NTM: variants seen among roughly 807,000 people sequenced by gnomAD.
NTM encodes the protein neurotrimin, also known as IgLON family member 2.
In NTM, 13 loss-of-function variants were observed where a neutral mutation model predicts 42.1. That is an observed-to-expected ratio of 0.31 (90% CI 0.20 to 0.49). NTM has a LOEUF of 0.49. Among genes scored for constraint, NTM ranks in the 20% least tolerant of loss-of-function variants. NTM has a pLI of 0.99. For synonymous variants in NTM, 187 were observed against 179.2 expected (o/e 1.04, Z -0.35); for missense variants, 373 against 452.8 (o/e 0.82, Z 1.60).
chr11:132,259,496 A>G (rs1369368664), intron 4 of NTM, among the ~76,000 whole-genome samples: 1 of 151,912 alleles, frequency 6.6e-6, no homozygotes, highest in Non-Finnish European at 1.5e-5. Flanking sequence ...CCCGACCAAC[A>G]TGGTGAAACA....
chr11:131,456,994 G>A (rs1416087777), intron 1 of NTM, among the ~76,000 whole-genome samples: 1 of 152,142 alleles, frequency 6.6e-6, no homozygotes. Context: ...ATGCTTCAGT[G>A]TGCTCAAGGG....
intron 4 of NTM, among the ~76,000 whole-genome samples, chr11:132,299,763 GT>G (rs1250918488): frequency 3.9e-5 from 6 of 152,148 alleles, no homozygotes; most frequent in African/African-American, 1.4e-4. Context: ...GCAAACGTAG[GT>G]TTGAGCCCTT....
At chr11:131,526,010 T>C (rs2050427427) in intron 1 of NTM, among the ~76,000 whole-genome samples, 1 of 152,194 alleles carries the variant, frequency 6.6e-6, no homozygotes, top group South Asian at 2.1e-4. Flanking sequence ...AGATTCAACG[T>C]AAACATTTAT....
intron 4 of NTM, among the ~76,000 whole-genome samples, chr11:132,215,173 G>T (rs770866674): frequency 6.6e-6 from 1 of 152,202 alleles, no homozygotes; most frequent in Non-Finnish European, 1.5e-5. Flanking sequence ...AAGAAAGAGC[G>T]CTGTTGTCAT....
chr11:131,510,727 G>T (rs547582016), intron 1 of NTM, among the ~76,000 whole-genome samples: 2 of 152,182 alleles, frequency 1.3e-5, no homozygotes, highest in Non-Finnish European at 2.9e-5. Flanking sequence ...AGCTCATCCT[G>T]TGCCCATCTC....
chr11:131,842,579 G>A (rs1223271963), intron 1 of NTM, among the ~76,000 whole-genome samples: 1 of 152,122 alleles, frequency 6.6e-6, no homozygotes, highest in African/African-American at 2.4e-5. Context: ...CATGTTCAAC[G>A]CATCCAGGAC....
intron 1 of NTM, among the ~76,000 whole-genome samples, chr11:131,862,099 C>G (rs895535271): frequency 1.3e-5 from 2 of 152,142 alleles, no homozygotes; most frequent in African/African-American, 4.8e-5. Context: ...TCTTTGTGGG[C>G]AGAGCACGTG....
At chr11:131,904,583 T>C (rs2053599656) in intron 1 of NTM, among the ~76,000 whole-genome samples, 1 of 152,160 alleles carries the variant, frequency 6.6e-6, no homozygotes, top group Non-Finnish European at 1.5e-5. Context: ...TGTTGGGCCT[T>C]GCATGGTCGA....
chr11:131,885,703 T>A (rs960581915), intron 1 of NTM, among the ~76,000 whole-genome samples: 12 of 152,130 alleles, frequency 7.9e-5, no homozygotes, highest in African/African-American at 2.4e-4. Context: ...ACAAAGGAGC[T>A]TTTTGTACTG....
intron 1 of NTM, among the ~76,000 whole-genome samples, chr11:131,818,935 G>A (rs2093063880): frequency 1.3e-5 from 2 of 152,148 alleles, no homozygotes; most frequent in South Asian, 4.1e-4. Context: ...TCTGGGATTT[G>A]GGGCTTCAAG....
At chr11:131,597,578 G>A (rs964354396) in intron 1 of NTM, among the ~76,000 whole-genome samples, 1 of 152,138 alleles carries the variant, frequency 6.6e-6, no homozygotes, top group Admixed American at 6.5e-5. Context: ...CTGCTGCACT[G>A]CACTGCCCTC....
intron 2 of NTM, among the ~76,000 whole-genome samples, chr11:131,966,890 G>A (rs1199565907): frequency 6.6e-6 from 1 of 152,192 alleles, no homozygotes; most frequent in African/African-American, 2.4e-5. Context: ...ACTCACAGAT[G>A]GTGGTGAGGA....
intron 1 of NTM, among the ~76,000 whole-genome samples, chr11:131,733,554 G>C (rs1485142093): frequency 7.0e-6 from 1 of 142,576 alleles, no homozygotes; most frequent in African/African-American, 2.6e-5. Flanking sequence ...TTGATGGAGA[G>C]TCTCACTCGG....
intron 1 of NTM, among the ~76,000 whole-genome samples, chr11:131,738,326 A>G (rs1387983327): frequency 6.6e-6 from 1 of 152,198 alleles, no homozygotes; most frequent in Admixed American, 6.5e-5. Context: ...AACAGGCACT[A>G]CCAGGCTTCT....
intron 3 of NTM, among the ~76,000 whole-genome samples, chr11:132,178,979 G>A (rs189141241): frequency 1.3e-5 from 2 of 152,174 alleles, no homozygotes; most frequent in South Asian, 2.1e-4. Flanking sequence ...TTAAGTAAGC[G>A]GGATTTACTT....
At chr11:132,271,994 T>C (rs998695456) in intron 4 of NTM, among the ~76,000 whole-genome samples, 2 of 152,160 alleles carry the variant, frequency 1.3e-5, no homozygotes, top group South Asian at 4.1e-4. Flanking sequence ...TTTATCCCTG[T>C]GTTTTCTTCT....
At chr11:132,238,963 C>T (rs1307963533) in intron 4 of NTM, among the ~76,000 whole-genome samples, 4 of 152,168 alleles carry the variant, frequency 2.6e-5, no homozygotes, top group African/African-American at 9.7e-5. Flanking sequence ...TCTAATAAAA[C>T]AGCAGCATAG....
intron 2 of NTM, among the ~76,000 whole-genome samples, chr11:132,029,376 T>G (rs1399456407): frequency 1.6e-5 from 2 of 126,908 alleles, no homozygotes; most frequent in Admixed American, 1.8e-4. Flanking sequence ...GTGTGTGATG[T>G]TCCCCTTCCT....
At chr11:132,154,164 G>A (rs1185282214) in intron 3 of NTM, among the ~76,000 whole-genome samples, 4 of 152,168 alleles carry the variant, frequency 2.6e-5, no homozygotes, top group African/African-American at 9.7e-5. Flanking sequence ...TCAGTTTCAG[G>A]TGGAACCAGA....
Sources: gnomAD v4.1 joint callset for allele counts (sites outside exome capture counted in the v4.1 genomes callset) on GRCh38, gnomAD v4.1.1 for gene constraint, MANE v1.5 for transcripts, NCBI Gene and HGNC (gene_info 2026-07-23, HGNC 2026-07-21) for gene names.